CAST: variants seen among roughly 807,000 people sequenced by gnomAD.
CAST encodes MIR583 host.
CAST carries 76 observed loss-of-function variants against 119.6 expected under a neutral mutation model. That is an observed-to-expected ratio of 0.64 (90% CI 0.53 to 0.77). The LOEUF (loss-of-function observed/expected upper bound fraction) is 0.77, where lower values mean the gene tolerates loss of function less well. Among genes scored for constraint, CAST ranks in the 30% least tolerant of loss-of-function variants. CAST has a pLI of 0.00. For missense variants in CAST, 953 were observed against 946.5 expected, an observed-to-expected ratio of 1.01 and a Z score of -0.09; for synonymous variants, 319 against 331.6, an observed-to-expected ratio of 0.96 and a Z score of 0.41.
the CAST span, among the ~76,000 whole-genome samples, chr5:95,996,476 T>A: frequency 2.5e-4 from 38 of 152,320 alleles, no homozygotes; most frequent in Middle Eastern, 3.4e-3. Flanking sequence ...CTTCTTTGGA[T>A]ACTTTTAAAT....
At chr5:96,151,838 G>GA in the CAST span, among the ~76,000 whole-genome samples, 3 of 152,140 alleles carry the variant, frequency 2.0e-5, no homozygotes, top group Admixed American at 6.5e-5. Flanking sequence ...ATCAATCTTG[G>GA]AAAAAACCCC....
At chr5:96,235,860 C>T in the CAST span, among the ~76,000 whole-genome samples, 1 of 152,148 alleles carries the variant, frequency 6.6e-6, no homozygotes. Flanking sequence ...GTTCACTCCT[C>T]TGCGAGTAAC....
At chr5:96,685,717 T>G (rs1752003267) in intron 2 of CAST, among the ~76,000 whole-genome samples, 1 of 152,228 alleles carries the variant, frequency 6.6e-6, no homozygotes, top group African/African-American at 2.4e-5. Flanking sequence ...ACTCTTTTTG[T>G]GCCTAAGAAT....
intron 3 of CAST, among the ~76,000 whole-genome samples, chr5:96,720,463 C>T (rs1279215419): frequency 6.6e-6 from 1 of 152,226 alleles, no homozygotes; most frequent in Non-Finnish European, 1.5e-5. Context: ...TAGCCAGAAT[C>T]GAATGGATTA....
At chr5:96,684,029 T>C (rs1751757662) in intron 2 of CAST, among the ~76,000 whole-genome samples, 1 of 152,220 alleles carries the variant, frequency 6.6e-6, no homozygotes, top group African/African-American at 2.4e-5. Context: ...GTGGTTTCTA[T>C]AGAAGCAGCA....
chr5:96,656,517 C>A (rs1748160820), intron 1 of CAST, among the ~76,000 whole-genome samples: 1 of 152,194 alleles, frequency 6.6e-6, no homozygotes, highest in Non-Finnish European at 1.5e-5. Flanking sequence ...TGCGGGCTGA[C>A]TTTCCGGGTC....
At chr5:96,196,271 C>A in the CAST span, among the ~76,000 whole-genome samples, 5 of 152,042 alleles carry the variant, frequency 3.3e-5, no homozygotes, top group Non-Finnish European at 7.4e-5. Context: ...ACCCTTTCAG[C>A]CATTCAAACC....
At chr5:96,199,144 A>G in the CAST span, among the ~76,000 whole-genome samples, 1 of 152,320 alleles carries the variant, frequency 6.6e-6, no homozygotes, top group East Asian at 1.9e-4. Context: ...TGAGTATAAT[A>G]AAAGTGTGTA....
At chr5:96,638,428 A>AG (rs1236177607) in intron 1 of CAST, among the ~76,000 whole-genome samples, 1 of 152,030 alleles carries the variant, frequency 6.6e-6, no homozygotes, top group African/African-American at 2.4e-5. Context: ...AAACAAACAA[A>AG]CAAAAAAATG....
chr5:96,257,111 G>T, the CAST span, among the ~76,000 whole-genome samples: 1 of 152,156 alleles, frequency 6.6e-6, no homozygotes, highest in Non-Finnish European at 1.5e-5. Context: ...GCAATTGGGT[G>T]GATCTTTACT....
At chr5:96,039,210 T>G in the CAST span, among the ~76,000 whole-genome samples, 3 of 152,278 alleles carry the variant, frequency 2.0e-5, no homozygotes, top group Non-Finnish European at 2.9e-5. Flanking sequence ...CCCATTTTTT[T>G]GATGGGGTTG....
the CAST span, among the ~76,000 whole-genome samples, chr5:96,483,213 G>T: frequency 1.3e-5 from 2 of 152,076 alleles, no homozygotes; most frequent in South Asian, 2.1e-4. Context: ...GTGGGCAAAG[G>T]CTATGAGAAA....
the CAST span, chr5:96,431,932 C>A: frequency 1.5e-6 from 1 of 687,796 alleles, no homozygotes; most frequent in Non-Finnish European, 2.6e-6. Flanking sequence ...AGAAGTCACA[C>A]TCCCTAGGGT....
At chr5:96,084,853 A>T in the CAST span, among the ~76,000 whole-genome samples, 1 of 152,206 alleles carries the variant, frequency 6.6e-6, no homozygotes, top group Non-Finnish European at 1.5e-5. Context: ...TGGTCCTCCA[A>T]AGCAAAATCA....
At chr5:96,441,685 A>G in the CAST span, among the ~76,000 whole-genome samples, 5 of 152,238 alleles carry the variant, frequency 3.3e-5, no homozygotes, top group African/African-American at 1.2e-4. Context: ...AGTATAAAGT[A>G]TGTAGAAAGC....
At chr5:96,595,171 A>T (rs1747032416) in intron 1 of CAST, among the ~76,000 whole-genome samples, 1 of 152,212 alleles carries the variant, frequency 6.6e-6, no homozygotes, top group Non-Finnish European at 1.5e-5. Context: ...CTGGCAATGG[A>T]CATGCACATG....
chr5:96,085,505 A>C, the CAST span, among the ~76,000 whole-genome samples: 1 of 152,246 alleles, frequency 6.6e-6, no homozygotes, highest in African/African-American at 2.4e-5. Flanking sequence ...TGTCAGCAGC[A>C]ATGATTTCAT....
chr5:96,169,809 G>A, the CAST span, among the ~76,000 whole-genome samples: 1 of 152,174 alleles, frequency 6.6e-6, no homozygotes, highest in African/African-American at 2.4e-5. Context: ...AGGTGTGGCT[G>A]TAGCCCAGGA....
intron 1 of CAST, among the ~76,000 whole-genome samples, chr5:96,577,415 C>T (rs1746691789): frequency 6.6e-6 from 1 of 151,526 alleles, no homozygotes; most frequent in Non-Finnish European, 1.5e-5. Context: ...TTTCTTCTTT[C>T]TGCTTGTCTG....
Sources: gnomAD v4.1 joint callset for allele counts (sites outside exome capture counted in the v4.1 genomes callset) on GRCh38, gnomAD v4.1.1 for gene constraint, MANE v1.5 for transcripts, NCBI Gene and HGNC (gene_info 2026-07-23, HGNC 2026-07-21) for gene names.